Variants in NSD2 observed in about 807,000 individuals in gnomAD.
NSD2 encodes the protein nuclear receptor binding SET domain protein 2.
NSD2 carries 12 observed loss-of-function variants against 139.0 expected under a neutral mutation model. The ratio of observed to expected loss-of-function variants is 0.09; its 90% confidence interval spans 0.06 to 0.14. NSD2 has a LOEUF of 0.14. Ranked by LOEUF, NSD2 falls within the 10% of genes least tolerant of loss-of-function variation. NSD2 has a pLI of 1.00. For synonymous variants in NSD2, 669 were observed against 648.7 expected, an observed-to-expected ratio of 1.03 and a Z score of -0.48; for missense variants, 1,155 against 1,745.0, an observed-to-expected ratio of 0.66 and a Z score of 6.02.
At chr4:1,897,160 ACT>A (rs765737954) in intron 1 of NSD2, among the ~76,000 whole-genome samples, 2 of 132,188 alleles carry the variant, frequency 1.5e-5, no homozygotes, top group Non-Finnish European at 3.2e-5. Context: ...ACAGAGTGAG[ACT>A]CTGTCTCAAA....
chr4:1,929,921 G>T (rs545752438), intron 5 of NSD2, among the ~76,000 whole-genome samples: 2 of 152,150 alleles, frequency 1.3e-5, no homozygotes, highest in Non-Finnish European at 2.9e-5. Flanking sequence ...ACCAGGTGGA[G>T]CGAAGTCCCC....
In NSD2 at chr4:1,973,649, G is replaced by C. The variant is rs888847086; in HGVS notation, c.3373-1214G>C. Among the ~76,000 whole-genome samples the C allele has an allele frequency of 3.3e-5, 5 of 152,244 alleles. No homozygotes were observed. The highest frequency in any genetic ancestry group is 4.8e-5 in the African/African-American group (2 of 41,476). On this transcript the variant is annotated intron_variant, in intron 18 of 21. Coordinates refer to ENST00000508803, the MANE Select transcript of NSD2 (RefSeq NM_001042424.3). The surrounding 1 kb of genome is among the most constrained non-coding windows in gnomAD (Gnocchi z 5.5). ...ATGTAGAAAGGACACGGGGCCAGCG[G>C]TCCCAGACAGGGGCACCCTGGGAGA...
rs531175363 is a variant in NSD2 at position 1,981,178 on chromosome 4, A to G, written c.*2269A>G. On this transcript the variant is annotated 3_prime_UTR_variant, in exon 22 of 22. Transcript: ENST00000508803. The stretch of plus-strand genomic sequence containing the variant: ...GATTTTTCTGAAGGAAATAATGCAA[A>G]CATTTTAAATATGTTTCTCCCCCTT... 6 of 233,194 alleles carry G rather than the reference A, an allele frequency of 2.6e-5. No individual in the cohort carries two copies. The highest frequency in any genetic ancestry group is 4.2e-5 in the Non-Finnish European group (5 of 118,058). 14.4% of individuals were successfully genotyped at this position (233,194 alleles called of 1,614,324 possible). A position where few individuals can be genotyped will look rare whatever the true frequency, so the allele number is the denominator to read the frequency against.
At chr4:1,950,944 C>T (rs901433336) in intron 9 of NSD2, 128 bp from the exon 10 acceptor site, 59 of 1,193,898 alleles carry the variant, frequency 4.9e-5, no homozygotes, top group South Asian at 5.9e-5. Flanking sequence ...AAATCACTGG[C>T]GGTACAGGAC....
chr4:1,897,503 A>T (rs1200646084), intron 1 of NSD2, among the ~76,000 whole-genome samples: 2 of 152,012 alleles, frequency 1.3e-5, no homozygotes, highest in Admixed American at 6.6e-5. Context: ...GAAAAAAAAA[A>T]TTGTTTGGCA....
intron 9 of NSD2, 29 bp from the exon 10 acceptor site, chr4:1,951,043 G>T: frequency 6.2e-7 from 1 of 1,612,844 alleles, no homozygotes; most frequent in South Asian, 1.1e-5. Context: ...TGCGACTAGT[G>T]AACTGTCATC....
chr4:1,909,203 C>T (rs1283347625), intron 3 of NSD2, among the ~76,000 whole-genome samples: 1 of 152,084 alleles, frequency 6.6e-6, no homozygotes, highest in Admixed American at 6.6e-5. Context: ...CCTTGAGCAC[C>T]TCTTTACGTT....
intron 2 of NSD2, among the ~76,000 whole-genome samples, chr4:1,903,681 C>T (rs1717492373): frequency 6.6e-6 from 1 of 151,900 alleles, no homozygotes; most frequent in South Asian, 2.1e-4. Flanking sequence ...TGTTGAACAC[C>T]TGCTGTGTGC....
chr4:1,979,062 A>G lies in NSD2; in HGVS notation c.*153A>G, dbSNP rs1727471403. 3 of 962,324 alleles carry G rather than the reference A, an allele frequency of 3.1e-6. No homozygotes were observed. In the East Asian group the frequency reaches 8.5e-5, roughly 27 times the overall value. 59.6% of individuals were successfully genotyped at this position (962,324 alleles called of 1,614,324 possible). A position where few individuals can be genotyped will look rare whatever the true frequency, so the allele number is the denominator to read the frequency against. ...CCTCGGGAGGGAGCGCCTCCCCACC[A>G]CTGAGCCATCCTCAGCAGCGTCCGC... On this transcript the variant is annotated 3_prime_UTR_variant, in exon 22 of 22. Coordinates refer to ENST00000508803, the MANE Select transcript of NSD2 (RefSeq NM_001042424.3).
At chr4:1,968,794 A>G (rs561765616) in intron 18 of NSD2, among the ~76,000 whole-genome samples, 1 of 152,318 alleles carries the variant, frequency 6.6e-6, no homozygotes, top group Admixed American at 6.5e-5. Flanking sequence ...GACACAGGAG[A>G]CAGCATGGAG....
chr4:1,922,921 G>C (rs1388134347), intron 5 of NSD2, among the ~76,000 whole-genome samples: 6 of 152,086 alleles, frequency 3.9e-5, no homozygotes, highest in African/African-American at 1.4e-4. Flanking sequence ...ACAAGATTCT[G>C]TCTCATAAAA....
chr4:1,905,059 G>C (rs1038908683), intron 3 of NSD2, among the ~76,000 whole-genome samples: 2 of 152,138 alleles, frequency 1.3e-5, no homozygotes, highest in Non-Finnish European at 2.9e-5. Context: ...GAACCCGGGA[G>C]GTGGAGGTTG....
At position 1,973,181 on chromosome 4, in the gene NSD2, T is replaced by C. The variant is rs1420934689; in HGVS notation, c.3373-1682T>C. 9.9e-5 allele frequency among the ~76,000 whole-genome samples: 15 copies of C among 152,160 alleles called. No individual in the cohort carries two copies. The highest frequency in any genetic ancestry group is 9.8e-4 in the Admixed American group (15 of 15,272). On this transcript the variant is annotated intron_variant, in intron 18 of 21. Coordinates refer to ENST00000508803, the MANE Select transcript of NSD2 (RefSeq NM_001042424.3). This position sits in a 1 kb window ranked among gnomAD's most constrained non-coding sequence, Gnocchi z 5.5. The stretch of plus-strand genomic sequence containing the variant: ...ATAAAGGGGTCTGATGTTTGGAATA[T>C]CTAGGGAACATCTGTAAGTCAGTTA...
chr4:1,953,118 T>C (rs530523142), intron 11 of NSD2: 1 of 1,532,012 alleles, frequency 6.5e-7, no homozygotes, highest in South Asian at 1.2e-5. Context: ...AAGCTGGAGC[T>C]CAGATCGCAG....
intron 4 of NSD2, among the ~76,000 whole-genome samples, chr4:1,917,728 C>T (rs1056458939): frequency 4.0e-5 from 6 of 151,704 alleles, no homozygotes; most frequent in East Asian, 1.9e-4. Flanking sequence ...GGAACCACCA[C>T]GCTGGCCAAG....
At chr4:1,944,676 T>C (rs1723436891) in intron 9 of NSD2, 2 of 1,063,812 alleles carry the variant, frequency 1.9e-6, no homozygotes, top group Admixed American at 5.4e-5. Flanking sequence ...AGTGCACATA[T>C]TGGCAATAGA....
At chr4:1,915,111 C>CTTTTTTTT (rs781255847) in intron 3 of NSD2, among the ~76,000 whole-genome samples, 9 of 115,540 alleles carry the variant, frequency 7.8e-5, no homozygotes, top group African/African-American at 1.1e-4. Context: ...CTTTTTTTCT[C>CTTTTTTTT]TTTTTTTTTT....
In NSD2 at chr4:1,979,874, C is replaced by T. The variant is rs929755091; in HGVS notation, c.*965C>T. 4 of 232,538 alleles carry T rather than the reference C, an allele frequency of 1.7e-5. No homozygotes were observed. The highest frequency in any genetic ancestry group is 6.6e-5 in the African/African-American group (3 of 45,302). 14.4% of individuals were successfully genotyped at this position (232,538 alleles called of 1,614,324 possible). A position where few individuals can be genotyped will look rare whatever the true frequency, so the allele number is the denominator to read the frequency against. ...GGAGTGACTTTGCAGGGCGTGAGAC[C>T]GCAGTCTGCTTAGAGCACAGGAAGT... is the stretch of plus-strand genomic sequence containing the variant. On this transcript the variant is annotated 3_prime_UTR_variant, in exon 22 of 22. Transcript: ENST00000508803.
rs1417920681 is a variant in NSD2, at chr4:1,942,817, C to T, written c.1881+3039C>T. 6.5e-6 allele frequency: 7 copies of T among 1,072,846 alleles called. No individual in the cohort carries two copies. Among genetic ancestry groups the T allele is most frequent in the Non-Finnish European group, 7.9e-6 (7 of 883,442 alleles). The allele number at this position is 1,072,846 out of a possible 1,614,324, so 66.5% of individuals were successfully genotyped here. On this transcript the variant is annotated intron_variant, in intron 9 of 21. Coordinates refer to ENST00000508803, the MANE Select transcript of NSD2 (RefSeq NM_001042424.3). The surrounding 1 kb of genome is among the most constrained non-coding windows in gnomAD (Gnocchi z 4.0). ...CCCTCAGAAACAAACTAACAGCACA[C>T]GTTAGGAGGAGTCCTCATCAGCTGT...
Sources: gnomAD v4.1 joint callset for allele counts (sites outside exome capture counted in the v4.1 genomes callset) on GRCh38, gnomAD v4.1.1 for gene constraint, Gnocchi (gnomAD v3.1) non-coding constraint, MANE v1.5 for transcripts, NCBI Gene and HGNC (gene_info 2026-07-23, HGNC 2026-07-21) for gene names.